Variants in LYN observed in about 807,000 individuals in gnomAD.
LYN encodes LYN proto-oncogene, Src family tyrosine kinase, also known as tyrosine-protein kinase Lyn.
LYN carries 12 observed loss-of-function variants against 65.0 expected under a neutral mutation model. The observed-to-expected ratio is 0.18, with a 90% CI of 0.12 to 0.30. The LOEUF is 0.30. LYN is among the 10% of genes least tolerant of loss of function. LYN has a pLI of 1.00. For synonymous variants in LYN, 222 were observed against 221.2 expected, an observed-to-expected ratio of 1.00 and a Z score of -0.03; for missense variants, 380 against 623.2, an observed-to-expected ratio of 0.61 and a Z score of 4.16.
chr8:55,948,262 C>A (rs1248802033), intron 4 of LYN, among the ~76,000 whole-genome samples: 8 of 152,222 alleles, frequency 5.3e-5, no homozygotes, highest in Admixed American at 4.6e-4. Context: ...GTGTGAGCCA[C>A]CACACCCAGC....
At position 56,009,964 on chromosome 8, in the gene LYN, G is replaced by A. The variant is rs377327132; in HGVS notation, c.1393G>A (p.Val465Met). 5 of 1,613,928 alleles carry A rather than the reference G, an allele frequency of 3.1e-6. No homozygotes were observed. Among genetic ancestry groups the A allele is most frequent in the Non-Finnish European group, 4.2e-6 (5 of 1,179,926 alleles). ...GTCCCAGGGCTACAGGATGCCCCGTGTGGAGAACTGCCCAGATGAGCTCTA... is the reference window on the plus strand; with the variant it reads ...GTCCCAGGGCTACAGGATGCCCCGTATGGAGAACTGCCCAGATGAGCTCTA... ...ALSQGYRMPR[V>M]ENCPDELYDI... Residue 465 changes from valine to methionine, a missense_variant, in exon 13 of 13, where the codon GTG becomes ATG. Val to Met is a conservative substitution (Grantham distance 21). Around this residue, in one of 2 missense-constraint regions of LYN, gnomAD observed 223 missense variants for 430.0 expected, o/e 0.52. Coordinates refer to ENST00000519728, the MANE Select transcript of LYN (RefSeq NM_002350.4).
chr8:55,969,682 T>A, intron 9 of LYN, 35 bp from the exon 10 acceptor site: 2 of 1,490,390 alleles, frequency 1.3e-6, no homozygotes, highest in Non-Finnish European at 1.9e-6. Flanking sequence ...CTTGTGTGTT[T>A]GGAATGCACT....
At chr8:55,897,542 T>C (rs1209471253) in intron 1 of LYN, among the ~76,000 whole-genome samples, 3 of 152,176 alleles carry the variant, frequency 2.0e-5, no homozygotes, top group African/African-American at 7.2e-5. Flanking sequence ...ACAGAAAACC[T>C]ACTACTACTA....
chr8:55,962,050 G>A (rs1000055701), intron 8 of LYN, among the ~76,000 whole-genome samples: 17 of 152,238 alleles, frequency 1.1e-4, no homozygotes, highest in Admixed American at 3.9e-4. Flanking sequence ...TATACCAAAT[G>A]TGCTCTTTTA....
At chr8:55,947,002 C>G (rs1421430741) in intron 3 of LYN, among the ~76,000 whole-genome samples, 1 of 152,206 alleles carries the variant, frequency 6.6e-6, no homozygotes, top group African/African-American at 2.4e-5. Context: ...AATCCCAGCA[C>G]TTTGGGAGGC....
At chr8:55,999,296 G>A in intron 11 of LYN, 122 bp from the exon 12 acceptor site, 1 of 763,894 alleles carries the variant, frequency 1.3e-6, no homozygotes, top group Non-Finnish European at 2.2e-6. Context: ...TTCCAGCCTG[G>A]GTGACAAGAG....
At position 55,946,275 on chromosome 8, in the gene LYN, A is replaced by G. The variant is rs75664300; in HGVS notation, c.133-173A>G. 1.5e-3 allele frequency among the ~76,000 whole-genome samples: 229 copies of G among 152,354 alleles called. 1 individual carries two copies. The highest frequency in any genetic ancestry group is 7.7e-3 in the South Asian group (37 of 4,828). On this transcript the variant is annotated intron_variant, in intron 2 of 12. Coordinates refer to ENST00000519728, the MANE Select transcript of LYN (RefSeq NM_002350.4). Reference sequence around the variant, plus strand: ...TGATAAAGAGCCCTGTCACTGGCCAAGCAGGGCAGGATGCACCTCTACAGG... The same window carrying G: ...TGATAAAGAGCCCTGTCACTGGCCAGGCAGGGCAGGATGCACCTCTACAGG...
chr8:55,979,939 C>T (rs1256981157), intron 10 of LYN, among the ~76,000 whole-genome samples: 1 of 152,224 alleles, frequency 6.6e-6, no homozygotes, highest in East Asian at 1.9e-4. Flanking sequence ...TTCCCCTCCC[C>T]ACATCAAGAC....
chr8:56,001,995 A>G (rs564413410), intron 12 of LYN, among the ~76,000 whole-genome samples: 1 of 152,288 alleles, frequency 6.6e-6, no homozygotes, highest in Non-Finnish European at 1.5e-5. Context: ...TTGAAAAAAG[A>G]ACTGGCTGGG....
At chr8:55,890,490 A>G (rs1008250528) in intron 1 of LYN, among the ~76,000 whole-genome samples, 37 of 152,342 alleles carry the variant, frequency 2.4e-4, no homozygotes, top group African/African-American at 8.7e-4. Context: ...GTGGGAGTGT[A>G]AAATGCTACA....
chr8:55,973,134 C>T (rs1485712805), intron 10 of LYN, among the ~76,000 whole-genome samples: 2 of 152,098 alleles, frequency 1.3e-5, no homozygotes, highest in Admixed American at 6.5e-5. Context: ...CTCTTCTTCC[C>T]GCTCCCCACT....
At chr8:55,991,919 C>G (rs1429381935) in intron 10 of LYN, among the ~76,000 whole-genome samples, 3 of 152,200 alleles carry the variant, frequency 2.0e-5, no homozygotes, top group Non-Finnish European at 4.4e-5. Context: ...TCAAAGAGCA[C>G]AAGAAGCATC....
In LYN at chr8:56,010,334, C is replaced by G; in HGVS notation, c.*224C>G. ...AGTTGCAACTTGGACTTGTCCTCAGCAGCTGGTAATCTTGCTCTGCTTGAC... is the reference window on the plus strand; with the variant it reads ...AGTTGCAACTTGGACTTGTCCTCAGGAGCTGGTAATCTTGCTCTGCTTGAC... On this transcript the variant is annotated 3_prime_UTR_variant, in exon 13 of 13. Transcript: ENST00000519728. 1.9e-6 allele frequency: 1 copy of G among 517,428 alleles called. No individual in the cohort carries two copies. The highest frequency in any genetic ancestry group is 3.5e-6 in the Non-Finnish European group (1 of 285,574). The allele number at this position is 517,428 out of a possible 1,614,324, so 32.1% of individuals were successfully genotyped here.
chr8:56,005,243 G>T (rs538756359), intron 12 of LYN, among the ~76,000 whole-genome samples: 2 of 152,314 alleles, frequency 1.3e-5, no homozygotes, highest in African/African-American at 4.8e-5. Flanking sequence ...TTGCCCTAAT[G>T]TCTGGTTTAT....
intron 1 of LYN, among the ~76,000 whole-genome samples, chr8:55,923,581 C>T (rs1346318067): frequency 6.6e-6 from 1 of 152,126 alleles, no homozygotes. Context: ...GCTCTGTCCC[C>T]ACAGGCTGGA....
At chr8:55,950,852 G>A in intron 6 of LYN, 68 bp downstream of exon 6, 1 of 1,162,474 alleles carries the variant, frequency 8.6e-7, no homozygotes, top group East Asian at 2.3e-5. Context: ...CTATTCTAGA[G>A]CTACTCAAGG....
intron 1 of LYN, among the ~76,000 whole-genome samples, chr8:55,901,744 T>A (rs1805271147): frequency 6.6e-6 from 1 of 152,222 alleles, no homozygotes; most frequent in Admixed American, 6.5e-5. Flanking sequence ...ACTTCAGATA[T>A]TTCCAACGCG....
chr8:55,977,069 C>T (rs1297363735), intron 10 of LYN, among the ~76,000 whole-genome samples: 1 of 152,100 alleles, frequency 6.6e-6, no homozygotes, highest in Non-Finnish European at 1.5e-5. Flanking sequence ...CCTGTAATCC[C>T]AGCTACTCAG....
At chr8:55,931,984 A>C (rs1461209052) in intron 1 of LYN, among the ~76,000 whole-genome samples, 1 of 152,232 alleles carries the variant, frequency 6.6e-6, no homozygotes, top group Non-Finnish European at 1.5e-5. Flanking sequence ...ATTGTAAGTG[A>C]CCAAATCATT....
Sources: gnomAD v4.1 joint callset for allele counts (sites outside exome capture counted in the v4.1 genomes callset) on GRCh38, gnomAD v4.1.1 for gene constraint, gnomAD v4.1.1 regional missense constraint, MANE v1.5 for transcripts, NCBI Gene and HGNC (gene_info 2026-07-23, HGNC 2026-07-21) for gene names.